Variants in PCDHA2 observed in about 807,000 individuals in gnomAD.
The protein encoded by PCDHA2 is protocadherin alpha-2.
In PCDHA2, 58 loss-of-function variants were observed where a neutral mutation model predicts 66.0. The ratio of observed to expected loss-of-function variants is 0.88; its 90% CI spans 0.71 to 1.09. The LOEUF (loss-of-function observed/expected upper bound fraction) is 1.09. PCDHA2 is among the 50% of genes least tolerant of loss of function. The pLI is 0.00. For missense variants in PCDHA2, 1,267 were observed against 1,242.3 expected (o/e 1.02, Z -0.30); for synonymous variants, 634 against 554.0 (o/e 1.14, Z -2.03).
chr5:140,849,613 G>C (rs2040993200), intron 1 of PCDHA2: 2 of 1,598,764 alleles, frequency 1.3e-6, no homozygotes, highest in Non-Finnish European at 1.7e-6. Context: ...GCCCTGATTA[G>C]TGTGATCGAC....
chr5:140,954,441 G>A (rs1411694581), intron 1 of PCDHA2, among the ~76,000 whole-genome samples: 2 of 151,498 alleles, frequency 1.3e-5, no homozygotes, highest in Non-Finnish European at 3.0e-5. Flanking sequence ...TGTTGTTTCT[G>A]GACTTGTTAA....
chr5:140,955,501 A>G (rs1479045859), intron 1 of PCDHA2, among the ~76,000 whole-genome samples: 5 of 152,114 alleles, frequency 3.3e-5, no homozygotes, highest in African/African-American at 1.2e-4. Context: ...CATGTGAAGA[A>G]AGACGTGTTT....
chr5:140,841,977 A>C (rs2150326708), intron 1 of PCDHA2: 127 of 1,613,770 alleles, frequency 7.9e-5, no homozygotes, highest in Non-Finnish European at 1.1e-4. Flanking sequence ...GATGGGGGCA[A>C]ACCTGAGCTC....
intron 3 of PCDHA2, among the ~76,000 whole-genome samples, chr5:140,993,462 T>TCTCA (rs1235362335): frequency 6.4e-5 from 9 of 140,938 alleles, no homozygotes; most frequent in African/African-American, 2.1e-4. Context: ...TCTTTCTTTC[T>TCTCA]CACACACACA....
intron 1 of PCDHA2, among the ~76,000 whole-genome samples, chr5:140,919,231 CT>C (rs2079047316): frequency 6.6e-6 from 1 of 152,160 alleles, no homozygotes; most frequent in African/African-American, 2.4e-5. Context: ...TCTAGTAACA[CT>C]TTTTGTCTTG....
intron 1 of PCDHA2, among the ~76,000 whole-genome samples, chr5:140,909,000 G>C (rs569548757): frequency 9.8e-5 from 15 of 152,296 alleles, no homozygotes; most frequent in Non-Finnish European, 1.8e-4. Flanking sequence ...AAATTTTACT[G>C]AGGTAGAAGG....
rs144422081 is a variant in PCDHA2 at position 140,808,638 on chromosome 5, C to A, written c.2388+11286C>A. 1.9e-3 allele frequency: 3,056 copies of A among 1,613,424 alleles called. 55 individuals carry two copies. In the African/African-American group the frequency reaches 0.036, roughly 19 times the overall value. On this transcript the variant is annotated intron_variant, in intron 1 of 3. Transcript: ENST00000526136. ...ACTGTGTCTGCGTGGGACGCGGACGCGCAGGAGAACGCGCTGGTGTCCTAC... is the reference window on the plus strand; with the variant it reads ...ACTGTGTCTGCGTGGGACGCGGACGAGCAGGAGAACGCGCTGGTGTCCTAC...
intron 1 of PCDHA2, among the ~76,000 whole-genome samples, chr5:140,826,728 T>C (rs1438551035): frequency 6.6e-6 from 1 of 152,160 alleles, no homozygotes; most frequent in Non-Finnish European, 1.5e-5. Flanking sequence ...GAAGAGCAAG[T>C]GGTCTATATT....
intron 1 of PCDHA2, chr5:140,801,195 G>C (rs1562177358): frequency 1.3e-6 from 2 of 1,589,630 alleles, no homozygotes; most frequent in Non-Finnish European, 1.7e-6. Flanking sequence ...GAAAATACTT[G>C]CAATGTTGTT....
chr5:140,882,059 A>C, intron 1 of PCDHA2: 1 of 799,024 alleles, frequency 1.3e-6, no homozygotes, highest in Non-Finnish European at 1.9e-6. Flanking sequence ...TTACACTTAC[A>C]CGTTCATGCG....
chr5:140,954,017 T>C (rs2094968085), intron 1 of PCDHA2, among the ~76,000 whole-genome samples: 1 of 152,162 alleles, frequency 6.6e-6, no homozygotes, highest in Admixed American at 6.5e-5. Flanking sequence ...CTCCCACACA[T>C]AGTGGGACGA....
intron 1 of PCDHA2, chr5:140,803,818 T>A: frequency 1.5e-6 from 1 of 662,470 alleles, no homozygotes; most frequent in Non-Finnish European, 2.5e-6. Context: ...GTTTTGTTAT[T>A]AGGTGCAGTA....
At chr5:140,824,616 T>TC (rs1340347040) in intron 1 of PCDHA2, 1 of 126,878 alleles carries the variant, frequency 7.9e-6, no homozygotes, top group Non-Finnish European at 1.6e-5. Flanking sequence ...TAAAGTTTTT[T>TC]TTTTTTTTTT....
chr5:140,807,396 G>A lies in PCDHA2; in HGVS notation c.2388+10044G>A, dbSNP rs782005139. The A allele has an allele frequency of 1.0e-5, 15 of 1,453,308 alleles. 3 individuals carry two copies. Among genetic ancestry groups the A allele is most frequent in the South Asian group, 2.4e-5 (2 of 84,820 alleles). The allele number at this position is 1,453,308 out of a possible 1,614,324, so 90.0% of individuals were successfully genotyped here. On this transcript the variant is annotated intron_variant, in intron 1 of 3. Coordinates refer to ENST00000526136, the MANE Select transcript of PCDHA2 (RefSeq NM_018905.3). ...CGCCTGTTCCGGGTGGCGTCCAAGG[G>A]CCGCGGAGGCCTTCTGGAGGTAAAT... is the stretch of plus-strand genomic sequence containing the variant.
At chr5:140,862,660 G>C (rs569424242) in intron 1 of PCDHA2, 56 of 546,542 alleles carry the variant, frequency 1.0e-4, no homozygotes, top group African/African-American at 8.2e-4. Flanking sequence ...GCGGGACCGG[G>C]ACGCGCAGGA....
chr5:140,841,800 C>A, intron 1 of PCDHA2: 1 of 1,613,890 alleles, frequency 6.2e-7, no homozygotes, highest in South Asian at 1.1e-5. Flanking sequence ...GCGTCCGATG[C>A]AGATGTTGGA....
intron 1 of PCDHA2, chr5:140,835,368 C>A: frequency 1.2e-6 from 2 of 1,613,924 alleles, no homozygotes; most frequent in African/African-American, 1.3e-5. Flanking sequence ...AGGCTTCCCA[C>A]CCCTGGCTGG....
chr5:140,988,193 A>G (rs528689173), intron 3 of PCDHA2, among the ~76,000 whole-genome samples: 4 of 152,192 alleles, frequency 2.6e-5, no homozygotes, highest in South Asian at 2.1e-4. Flanking sequence ...AGGTGTGTGC[A>G]TATCCTTATT....
chr5:140,853,533 T>C (rs2042784288), intron 1 of PCDHA2: 2 of 979,954 alleles, frequency 2.0e-6, no homozygotes, highest in African/African-American at 3.5e-5. Context: ...TATGTCTCTT[T>C]TCAAGTTGTA....
Sources: allele counts gnomAD v4.1 joint callset (sites outside exome capture counted in the v4.1 genomes callset), GRCh38; gene constraint gnomAD v4.1.1; transcripts MANE v1.5; gene names NCBI Gene and HGNC (gene_info 2026-07-23, HGNC 2026-07-21).